The following MAST4 variants were observed in gnomAD, a reference collection of about 807,000 sequenced individuals.
MAST4 encodes the protein microtubule-associated serine/threonine-protein kinase 4.
Under a neutral mutation model 162.7 loss-of-function variants are expected in MAST4, and 89 were observed. The observed-to-expected ratio is 0.55, with a 90% CI of 0.46 to 0.65. The LOEUF is 0.65. Among genes scored for constraint, MAST4 ranks in the 30% least tolerant of loss-of-function variants. The pLI is 0.00. For missense variants in MAST4, 3,153 were observed against 3,374.0 expected (o/e 0.93, Z 1.62); for synonymous variants, 1,479 against 1,361.1 (o/e 1.09, Z -1.91).
chr5:66,724,115 T>C (rs562162075), intron 1 of MAST4, among the ~76,000 whole-genome samples: 32 of 152,354 alleles, frequency 2.1e-4, no homozygotes, highest in Middle Eastern at 3.4e-3. Flanking sequence ...GCAAACATGC[T>C]GATTGCATGT....
chr5:66,711,451 A>G (rs1229882745), intron 1 of MAST4, among the ~76,000 whole-genome samples: 2 of 151,978 alleles, frequency 1.3e-5, no homozygotes, highest in Non-Finnish European at 2.9e-5. Flanking sequence ...CCCTTCTTCC[A>G]TCCTCAAAGC....
At chr5:66,896,246 GA>G (rs1561423749) in intron 3 of MAST4, among the ~76,000 whole-genome samples, 2 of 152,118 alleles carry the variant, frequency 1.3e-5, no homozygotes, top group African/African-American at 4.8e-5. Context: ...GCTTTTTCAC[GA>G]TTAGACTGGG....
At chr5:67,022,107 T>C (rs1036881589) in intron 4 of MAST4, among the ~76,000 whole-genome samples, 1 of 152,220 alleles carries the variant, frequency 6.6e-6, no homozygotes, top group African/African-American at 2.4e-5. Flanking sequence ...TCTTGAGACA[T>C]AGACTTTATG....
chr5:66,884,836 C>G (rs946309893), intron 3 of MAST4, among the ~76,000 whole-genome samples: 1 of 152,160 alleles, frequency 6.6e-6, no homozygotes, highest in East Asian at 1.9e-4. Flanking sequence ...CAGAGTTGTG[C>G]CTTCTCACTA....
intron 1 of MAST4, among the ~76,000 whole-genome samples, chr5:66,649,833 G>A (rs1242576238): frequency 1.3e-5 from 2 of 152,162 alleles, no homozygotes; most frequent in African/African-American, 4.8e-5. Flanking sequence ...GGGAGTCTGA[G>A]GTGGGTGGAT....
chr5:66,760,967 AAT>A lies in MAST4; in HGVS notation c.517+1107_517+1108del, dbSNP rs776516942. On this transcript the variant is annotated intron_variant, in intron 2 of 28. Transcript: ENST00000403625. Reference sequence around the variant, plus strand: ...GTATAAATTATTCTTTGTTAATAAAAATAAAATTAGAAAAGAAACTGCTAAAC... The same window carrying A: ...GTATAAATTATTCTTTGTTAATAAAAAAAATTAGAAAAGAAACTGCTAAAC... Among the ~76,000 whole-genome samples, 9 of 152,360 alleles carry A rather than the reference AAT, an allele frequency of 5.9e-5. No individual in the cohort carries two copies. The South Asian group carries it at 1.0e-3, about 18-fold the overall frequency.
intron 1 of MAST4, among the ~76,000 whole-genome samples, chr5:66,740,681 C>A (rs1308327190): frequency 6.6e-6 from 1 of 152,142 alleles, no homozygotes; most frequent in African/African-American, 2.4e-5. Context: ...TTCAAAAAAG[C>A]AGAGTGGAAA....
intron 4 of MAST4, among the ~76,000 whole-genome samples, chr5:67,028,663 A>C (rs1754958275): frequency 6.6e-6 from 1 of 152,182 alleles, no homozygotes; most frequent in South Asian, 2.1e-4. Flanking sequence ...TTAGCCTGTT[A>C]GACAATGGTA....
chr5:66,990,772 T>A (rs1402884506), intron 4 of MAST4, among the ~76,000 whole-genome samples: 2 of 152,348 alleles, frequency 1.3e-5, no homozygotes, highest in African/African-American at 4.8e-5. Flanking sequence ...CTTAAGTTAC[T>A]TGACTTGTAA....
intron 1 of MAST4, among the ~76,000 whole-genome samples, chr5:66,670,591 A>G (rs930466938): frequency 6.6e-6 from 1 of 152,184 alleles, no homozygotes; most frequent in African/African-American, 2.4e-5. Context: ...TGAAGGCATA[A>G]AGAAAAATAT....
chr5:67,151,226 A>G (rs1467928584), intron 24 of MAST4, among the ~76,000 whole-genome samples: 2 of 152,254 alleles, frequency 1.3e-5, no homozygotes, highest in Non-Finnish European at 1.5e-5. Context: ...TGGGTAAGGT[A>G]TAAATAACAG....
intron 1 of MAST4, among the ~76,000 whole-genome samples, chr5:66,627,114 A>G (rs1744482220): frequency 6.6e-6 from 1 of 152,168 alleles, no homozygotes; most frequent in Non-Finnish European, 1.5e-5. Flanking sequence ...AGGGCTGGGG[A>G]GGCCTTAGGA....
intron 19 of MAST4, among the ~76,000 whole-genome samples, chr5:67,137,195 C>T (rs1426236873): frequency 6.6e-6 from 1 of 152,066 alleles, no homozygotes; most frequent in Non-Finnish European, 1.5e-5. Context: ...TGATCAGCAC[C>T]GTGACCCAAG....
chr5:67,104,345 A>G (rs771054333), intron 9 of MAST4, 21 bp from the exon 10 acceptor site: 8 of 1,547,360 alleles, frequency 5.2e-6, no homozygotes, highest in African/African-American at 1.4e-5. Flanking sequence ...ACATCTGTGT[A>G]TGTGTGTCTT....
chr5:66,927,649 G>A (rs906295640), intron 4 of MAST4, among the ~76,000 whole-genome samples: 1 of 152,206 alleles, frequency 6.6e-6, no homozygotes, highest in East Asian at 1.9e-4. Context: ...GTCACACACA[G>A]TGATGTGGAC....
intron 4 of MAST4, among the ~76,000 whole-genome samples, chr5:67,029,145 A>G (rs546258296): frequency 6.6e-6 from 1 of 151,862 alleles, no homozygotes; most frequent in Admixed American, 6.6e-5. Flanking sequence ...AAAAAAAAAA[A>G]GTCATATACA....
At chr5:66,624,146 G>GTTTTTCTTT (rs1744259017) in intron 1 of MAST4, among the ~76,000 whole-genome samples, 1 of 90,128 alleles carries the variant, frequency 1.1e-5, no homozygotes, top group Non-Finnish European at 2.0e-5. Flanking sequence ...TTGTTAAAAT[G>GTTTTTCTTT]TTTTTTTTTT....
At chr5:66,904,464 A>G (rs138789265) in intron 4 of MAST4, among the ~76,000 whole-genome samples, 2 of 152,310 alleles carry the variant, frequency 1.3e-5, no homozygotes, top group East Asian at 1.9e-4. Flanking sequence ...AAACTGTACT[A>G]TGTATTCTTA....
rs1028710337 is a variant in MAST4 at position 67,047,501 on chromosome 5, G to C, written c.675-6903G>C. On this transcript the variant is annotated intron_variant, in intron 4 of 28. Transcript: ENST00000403625. ...TGAGGCCTTTCCTGACCACCTGTTT[G>C]AAATTGTGAACTCCCACCCCTGCAA... Among the ~76,000 whole-genome samples, 3 of 152,154 alleles carry C rather than the reference G, an allele frequency of 2.0e-5. No individual in the cohort carries two copies. The South Asian group carries it at 6.2e-4, about 32-fold the overall frequency.
Sources: gnomAD v4.1 joint callset for allele counts (sites outside exome capture counted in the v4.1 genomes callset) on GRCh38, gnomAD v4.1.1 for gene constraint, MANE v1.5 for transcripts, NCBI Gene and HGNC (gene_info 2026-07-23, HGNC 2026-07-21) for gene names.